Variants in COL14A1 observed in about 807,000 individuals in gnomAD.
COL14A1 encodes the protein collagen alpha-1(XIV) chain.
Under a neutral mutation model 230.3 loss-of-function variants are expected in COL14A1, and 136 were observed. The ratio of observed to expected loss-of-function variants is 0.59; its 90% CI spans 0.51 to 0.68. COL14A1 has a LOEUF of 0.68. COL14A1 is among the 30% of genes least tolerant of loss of function. The pLI, the probability that COL14A1 is intolerant of heterozygous loss-of-function variation, is 0.00. For missense variants in COL14A1, 1,976 were observed against 2,215.8 expected, an observed-to-expected ratio of 0.89 and a Z score of 2.17; for synonymous variants, 792 against 784.1, an observed-to-expected ratio of 1.01 and a Z score of -0.17.
chr8:120,276,462 A>T (rs981065044), intron 26 of COL14A1, among the ~76,000 whole-genome samples: 2 of 150,668 alleles, frequency 1.3e-5, no homozygotes, highest in African/African-American at 4.9e-5. Flanking sequence ...TTGCCACTAT[A>T]CAATTCAACC....
chr8:120,190,644 G>A (rs1416840721), intron 5 of COL14A1, among the ~76,000 whole-genome samples: 1 of 152,124 alleles, frequency 6.6e-6, no homozygotes, highest in Admixed American at 6.5e-5. Flanking sequence ...TGTACCTCTG[G>A]TAGAATTCGG....
chr8:120,306,082 G>C (rs1474555646), intron 36 of COL14A1, among the ~76,000 whole-genome samples: 1 of 152,114 alleles, frequency 6.6e-6, no homozygotes, highest in Non-Finnish European at 1.5e-5. Context: ...GCAAGCCTCA[G>C]CCATCTTTCC....
chr8:120,231,849 T>G, intron 19 of COL14A1: 1 of 472,976 alleles, frequency 2.1e-6, no homozygotes, highest in Non-Finnish European at 3.7e-6. Flanking sequence ...CTCTGAACAT[T>G]GTTTCAAATA....
At position 120,369,342 on chromosome 8, in the gene COL14A1, A is replaced by G; in HGVS notation, c.5168A>G (p.Glu1723Gly). 1 of 1,587,182 alleles carries G rather than the reference A, an allele frequency of 6.3e-7. No individual in the cohort carries two copies. Among genetic ancestry groups the G allele is most frequent in the African/African-American group, 1.4e-5 (1 of 73,822 alleles). ...GPPGPAGPSGESRPGSPGPPG... is the reference protein window; with the variant it reads ...GPPGPAGPSGGSRPGSPGPPG... ...GGGTACTTCTTAGGACCTTCAGGGGAGAGTCGGCCTGGCAGCCCTGGGCCC... is the reference window on the plus strand; with the variant it reads ...GGGTACTTCTTAGGACCTTCAGGGGGGAGTCGGCCTGGCAGCCCTGGGCCC... The change falls in exon 47 of 48, where the codon GAG becomes GGG. Residue 1723 changes from glutamate (E) to glycine (G), a missense_variant. Around this residue, in one of 3 missense-constraint regions of COL14A1, gnomAD observed 1,791 missense variants for 2,019.5 expected, o/e 0.89. Coordinates refer to ENST00000297848, the MANE Select transcript of COL14A1 (RefSeq NM_021110.4).
chr8:120,296,390 G>T (rs1341442803), intron 34 of COL14A1, among the ~76,000 whole-genome samples: 1 of 151,908 alleles, frequency 6.6e-6, no homozygotes, highest in Non-Finnish European at 1.5e-5. Context: ...GTCAGAACAA[G>T]TTATTTTGTG....
rs1276186667 is a variant in COL14A1 at position 120,369,448 on chromosome 8, T to C, written c.5274T>C (p.Tyr1758=). ...AAGGTCCTTCTGGCCAGCCTGGATATTGTGACCCCTCATCATGTTCTGCCT... is the reference window on the plus strand; with the variant it reads ...AAGGTCCTTCTGGCCAGCCTGGATACTGTGACCCCTCATCATGTTCTGCCT... ...GPQGPSGQPG[Y]CDPSSCSAYG... is the part of the protein sequence containing the mutation. Residue 1758 remains tyrosine, a synonymous_variant, in exon 47 of 48, where the codon TAT becomes TAC. Transcript: ENST00000297848. 1.2e-6 allele frequency: 2 copies of C among 1,608,640 alleles called. No individual in the cohort carries two copies. The highest frequency in any genetic ancestry group is 2.2e-5 in the East Asian group (1 of 44,506).
chr8:120,349,122 G>A (rs1777364884), intron 45 of COL14A1, among the ~76,000 whole-genome samples: 1 of 152,156 alleles, frequency 6.6e-6, no homozygotes. Context: ...CCCAGCAGGG[G>A]CACACTGAAA....
At chr8:120,346,284 T>A (rs1170702553) in intron 45 of COL14A1, among the ~76,000 whole-genome samples, 1 of 152,222 alleles carries the variant, frequency 6.6e-6, no homozygotes, top group African/African-American at 2.4e-5. Flanking sequence ...CTCTTTTGAC[T>A]GAATCTATAG....
intron 26 of COL14A1, among the ~76,000 whole-genome samples, chr8:120,271,266 G>A (rs1206175792): frequency 6.6e-6 from 1 of 151,444 alleles, no homozygotes; most frequent in Non-Finnish European, 1.5e-5. Context: ...AAAATTACCT[G>A]TCAGGTAACA....
intron 2 of COL14A1, among the ~76,000 whole-genome samples, chr8:120,155,835 G>A (rs1815458574): frequency 1.3e-5 from 2 of 152,202 alleles, no homozygotes; most frequent in South Asian, 2.1e-4. Flanking sequence ...AAGCAAAATA[G>A]TAACAGTTTT....
chr8:120,156,891 C>T (rs1246627428), intron 2 of COL14A1, among the ~76,000 whole-genome samples: 3 of 152,132 alleles, frequency 2.0e-5, no homozygotes, highest in Non-Finnish European at 4.4e-5. Flanking sequence ...TGTTATACCC[C>T]ATGCCTATGT....
At chr8:120,237,807 C>A (rs1260248537) in intron 19 of COL14A1, among the ~76,000 whole-genome samples, 1 of 152,018 alleles carries the variant, frequency 6.6e-6, no homozygotes, top group Non-Finnish European at 1.5e-5. Flanking sequence ...AGTGGTCGTC[C>A]TTTTTGTTGA....
intron 19 of COL14A1, among the ~76,000 whole-genome samples, chr8:120,236,632 T>G (rs1368832664): frequency 6.6e-6 from 1 of 152,196 alleles, no homozygotes; most frequent in Admixed American, 6.5e-5. Context: ...AGGTTAATAT[T>G]GTTATGTGTG....
chr8:120,148,818 G>C (rs1815179488), intron 2 of COL14A1, among the ~76,000 whole-genome samples: 1 of 152,134 alleles, frequency 6.6e-6, no homozygotes, highest in Non-Finnish European at 1.5e-5. Flanking sequence ...TTGCATTCCT[G>C]GGATGGGAAC....
intron 42 of COL14A1, among the ~76,000 whole-genome samples, chr8:120,336,144 A>G (rs1215691255): frequency 6.6e-6 from 1 of 152,230 alleles, no homozygotes; most frequent in Non-Finnish European, 1.5e-5. Context: ...AATACTCTTG[A>G]GAAATCCAGA....
At chr8:120,163,444 A>G (rs1248321019) in intron 4 of COL14A1, among the ~76,000 whole-genome samples, 28 of 152,160 alleles carry the variant, frequency 1.8e-4, no homozygotes, top group Admixed American at 1.8e-3. Context: ...TTCCTTAGGA[A>G]GCATTTCCTT....
Position 120,147,883 on chromosome 8 carries a change from C to T in COL14A1, c.41C>T (p.Pro14Leu). ...FQRKMRYWLL[P>L]PFLAIVYFCT... ...CGCAAGATGCGGTACTGGTTGCTTCCACCTTTTTTGGCAATTGTTTATTTC... is the reference window on the plus strand; with the variant it reads ...CGCAAGATGCGGTACTGGTTGCTTCTACCTTTTTTGGCAATTGTTTATTTC... The change falls in exon 2 of 48, where the codon CCA (proline) becomes CTA (leucine). Residue 14 changes from proline to leucine, a missense_variant. By Grantham distance (98) the Pro-to-Leu change is moderately conservative. Transcript: ENST00000297848. The T allele has an allele frequency of 6.2e-7, 1 of 1,613,934 alleles. No homozygotes were observed. Among genetic ancestry groups the T allele is most frequent in the Non-Finnish European group, 8.5e-7 (1 of 1,179,956 alleles).
intron 45 of COL14A1, among the ~76,000 whole-genome samples, chr8:120,346,737 C>T (rs570292466): frequency 1.3e-5 from 2 of 152,208 alleles, no homozygotes; most frequent in African/African-American, 4.8e-5. Context: ...CAAATGTCTC[C>T]GCCCCCATGA....
chr8:120,269,891 T>A (rs1339460801), intron 25 of COL14A1, 144 bp from the exon 26 acceptor site: 2 of 764,138 alleles, frequency 2.6e-6, no homozygotes, highest in East Asian at 2.6e-5. Flanking sequence ...AGCAGGAGTT[T>A]GGAATATGAA....
Sources: gnomAD v4.1 joint callset for allele counts (sites outside exome capture counted in the v4.1 genomes callset) on GRCh38, gnomAD v4.1.1 for gene constraint, gnomAD v4.1.1 regional missense constraint, MANE v1.5 for transcripts, NCBI Gene and HGNC (gene_info 2026-07-23, HGNC 2026-07-21) for gene names.